Variants in CTC1 observed in about 807,000 individuals in gnomAD.
CTC1 encodes the protein CST telomere replication complex component 1.
A neutral mutation model predicts 136.3 loss-of-function variants in CTC1; 91 were observed. That is an observed-to-expected ratio of 0.67 (90% CI 0.56 to 0.79). CTC1 has a LOEUF of 0.79. Among genes scored for constraint, CTC1 ranks in the 30% least tolerant of loss-of-function variants. The pLI is 0.00. For missense variants in CTC1, 1,432 were observed against 1,498.1 expected, an observed-to-expected ratio of 0.96 and a Z score of 0.73; for synonymous variants, 606 against 613.8, an observed-to-expected ratio of 0.99 and a Z score of 0.19.
rs561782597 is a variant in CTC1 at position 8,236,059 on chromosome 17, G to A, written c.1076C>T (p.Ser359Leu). 19 of 1,610,676 alleles carry A rather than the reference G, an allele frequency of 1.2e-5. No homozygotes were observed. The highest frequency in any genetic ancestry group is 1.6e-4 in the Middle Eastern group (1 of 6,068). ...LVRYSRLLSY[S>L]GAVTGVLNEP... ...TCTAGGATCTCTCCCTGTGCTCACC[G>A]AATAGGATAGGAGTCTAGAATACCG... The change falls in exon 6 of 23, where the codon TCG becomes TTG. Residue 359 changes from serine (S) to leucine (L), a missense_variant and splice_region_variant. By Grantham distance (145) the Ser-to-Leu change is moderately radical. Coordinates refer to ENST00000651323, the MANE Select transcript of CTC1 (RefSeq NM_025099.6).
chr17:8,235,020 T>G, intron 8 of CTC1, 33 bp downstream of exon 8: 1 of 1,610,578 alleles, frequency 6.2e-7, no homozygotes. Flanking sequence ...CTACTCCCAC[T>G]GCCTCCCCGC....
In CTC1 at chr17:8,228,310, C is replaced by T. The variant is rs201788219; in HGVS notation, c.3524G>A (p.Arg1175Gln). The T allele has an allele frequency of 1.2e-4, 199 of 1,613,966 alleles. No individual in the cohort carries two copies. Among genetic ancestry groups the T allele is most frequent in the Middle Eastern group, 3.3e-4 (2 of 6,046 alleles). Residue 1175 changes from arginine to glutamine, a missense_variant, in exon 23 of 23, where the codon CGG (arginine) becomes CAG (glutamine). Coordinates refer to ENST00000651323, the MANE Select transcript of CTC1 (RefSeq NM_025099.6). ...CTCTCCACACTGGAATCGCTGTAGC[C>T]GAGGAGGTTCTGAGGTGGGAAGAGA... ...PSKIVPLEPP[R>Q]LQRFQCGELP... is the part of the protein sequence containing the mutation.
intron 17 of CTC1, 62 bp downstream of exon 17, chr17:8,230,232 G>A (rs1987096276): frequency 6.6e-7 from 1 of 1,511,570 alleles, no homozygotes; most frequent in South Asian, 1.2e-5. Context: ...TTAAGCAGGG[G>A]TGCACATTCC....
At position 8,247,662 on chromosome 17, in the gene CTC1, T is replaced by G. The variant is rs73244902; in HGVS notation, c.33+342A>C. On this transcript the variant is annotated intron_variant, in intron 1 of 22. Transcript: ENST00000651323. Reference sequence around the variant, plus strand: ...CACTTCGGGTCTCAGACGCTTTTACTTATTATGGTTGCCCTTTTCCCCTAC... The same window carrying G: ...CACTTCGGGTCTCAGACGCTTTTACGTATTATGGTTGCCCTTTTCCCCTAC... 9.9e-3 allele frequency: 2,392 copies of G among 242,316 alleles called. 72 individuals carry two copies. Among genetic ancestry groups the G allele is most frequent in the African/African-American group, 0.052 (2,260 of 43,676 alleles). 15.0% of individuals were successfully genotyped at this position (242,316 alleles called of 1,614,324 possible). A position where few individuals can be genotyped will look rare whatever the true frequency, so the allele number is the denominator to read the frequency against.
chr17:8,226,681 G>A lies in CTC1; in HGVS notation c.*1499C>T, dbSNP rs963269028. 1 of 152,174 alleles carries A rather than the reference G, an allele frequency of 6.6e-6. No homozygotes were observed. Among genetic ancestry groups the A allele is most frequent in the Non-Finnish European group, 1.5e-5 (1 of 68,036 alleles). The allele number at this position is 152,174 out of a possible 1,614,324, so 9.4% of individuals were successfully genotyped here. A position where few individuals can be genotyped will look rare whatever the true frequency, so the allele number is the denominator to read the frequency against. ...TCTAGTCCATCGCCTTAACCACTCG[G>A]CCACGACTACGAGGCTTAGGGCTTC... On this transcript the variant is annotated 3_prime_UTR_variant, in exon 23 of 23. Coordinates refer to ENST00000651323, the MANE Select transcript of CTC1 (RefSeq NM_025099.6).
At chr17:8,229,496 C>T (rs1457579288) in intron 18 of CTC1, 50 bp from the exon 19 acceptor site, 1 of 1,545,370 alleles carries the variant, frequency 6.5e-7, no homozygotes, top group Non-Finnish European at 8.9e-7. Context: ...ACAGAACAGG[C>T]AAAGGGGTTC....
chr17:8,231,397 A>C lies in CTC1; in HGVS notation c.2548T>G (p.Ser850Ala), dbSNP rs1376586883. The part of the protein sequence containing the change: ...RRPLELAGCA[S>A]CLTVQDNWTL... The stretch of plus-strand genomic sequence containing the variant: ...CAGTTGTCCTGGACAGTGAGGCAGG[A>C]TGCACAGCCAGCCAACTCCAGAGGA... Residue 850 changes from serine (S) to alanine (A), a missense_variant, in exon 15 of 23, where the codon TCC becomes GCC. Coordinates refer to ENST00000651323, the MANE Select transcript of CTC1 (RefSeq NM_025099.6). The C allele has an allele frequency of 1.2e-6, 2 of 1,613,682 alleles. No individual in the cohort carries two copies. Among genetic ancestry groups the C allele is most frequent in the South Asian group, 2.2e-5 (2 of 91,068 alleles).
At chr17:8,234,086 G>A (rs187059042) in intron 10 of CTC1, among the ~76,000 whole-genome samples, 2 of 152,248 alleles carry the variant, frequency 1.3e-5, no homozygotes, top group African/African-American at 4.8e-5. Flanking sequence ...TCAGGCTCAA[G>A]CAATCCTACC....
In CTC1 at chr17:8,229,190, A is replaced by G; in HGVS notation, c.3173T>C (p.Leu1058Pro). Residue 1058 changes from leucine to proline, a missense_variant, in exon 20 of 23, where the codon CTG becomes CCG. By Grantham distance (98) the Leu-to-Pro change is moderately conservative (BLOSUM62 -3). Transcript: ENST00000651323. ...TGTCTGCGTAGGGCAAGTGGAGCCCAGGCGAGTGCACTTTCCCTGGGATGA... is the reference window on the plus strand; with the variant it reads ...TGTCTGCGTAGGGCAAGTGGAGCCCGGGCGAGTGCACTTTCCCTGGGATGA... ...SICRQGKCTR[L>P]GSTCPTQTAI... 6.2e-7 allele frequency: 1 copy of G among 1,614,226 alleles called. No homozygotes were observed. Among genetic ancestry groups the G allele is most frequent in the Non-Finnish European group, 8.5e-7 (1 of 1,180,042 alleles).
In CTC1 at chr17:8,228,633, G is replaced by C; in HGVS notation, c.3388-4C>G. 1 of 1,614,178 alleles carries C rather than the reference G, an allele frequency of 6.2e-7. No individual in the cohort carries two copies. The highest frequency in any genetic ancestry group is 8.5e-7 in the Non-Finnish European group (1 of 1,180,026). ...GCTCGTCAACCCTGGCTGAAGACTA[G>C]AAAGAGAAGGTCAAGGTTAACTGGC... On this transcript the variant is annotated splice_polypyrimidine_tract_variant and splice_region_variant and intron_variant, in intron 21 of 22. Coordinates refer to ENST00000651323, the MANE Select transcript of CTC1 (RefSeq NM_025099.6).
intron 2 of CTC1, 124 bp from the exon 3 acceptor site, chr17:8,238,753 G>A: frequency 1.4e-6 from 1 of 692,890 alleles, no homozygotes; most frequent in South Asian, 2.0e-5. Flanking sequence ...TAAGAGGTGA[G>A]TTTGATTGAT....
intron 22 of CTC1, 21 bp downstream of exon 22, chr17:8,228,482 T>TC (rs780029888): frequency 9.3e-6 from 15 of 1,613,854 alleles, no homozygotes; most frequent in Non-Finnish European, 1.2e-5. Flanking sequence ...ATCATCATGA[T>TC]CCCCCCGTCT....
Position 8,230,102 on chromosome 17 carries a change from G to T in CTC1, c.2934-134C>A. The T allele has an allele frequency of 5.9e-6, 6 of 1,010,584 alleles. No homozygotes were observed. In the South Asian group the frequency reaches 7.5e-5, roughly 13 times the overall value. 62.6% of individuals were successfully genotyped at this position (1,010,584 alleles called of 1,614,324 possible). A position where few individuals can be genotyped will look rare whatever the true frequency, so the allele number is the denominator to read the frequency against. Reference sequence around the variant, plus strand: ...ATATCCTAGCCATGGCTCTACCAAAGCTAGGGGAAGACTAGGAGGAGGACC... The same window carrying T: ...ATATCCTAGCCATGGCTCTACCAAATCTAGGGGAAGACTAGGAGGAGGACC... On this transcript the variant is annotated intron_variant, in intron 17 of 22. Transcript: ENST00000651323.
chr17:8,230,829 A>C, intron 15 of CTC1, 178 bp from the exon 16 acceptor site: 1 of 611,480 alleles, frequency 1.6e-6, no homozygotes, highest in Non-Finnish European at 2.9e-6. Flanking sequence ...TATGGGAAAA[A>C]GAGGGTTGTG....
rs796651282 is a variant in CTC1, at chr17:8,226,701, G to T, written c.*1479C>A. On this transcript the variant is annotated 3_prime_UTR_variant, in exon 23 of 23. Coordinates refer to ENST00000651323, the MANE Select transcript of CTC1 (RefSeq NM_025099.6). ...ACTCGGCCACGACTACGAGGCTTAG[G>T]GCTTCGTTTTCATCCAATGCCTTTC... 2.6e-5 allele frequency: 4 copies of T among 152,164 alleles called. No individual in the cohort carries two copies. Among genetic ancestry groups the T allele is most frequent in the Admixed American group, 1.3e-4 (2 of 15,274 alleles). 9.4% of individuals were successfully genotyped at this position (152,164 alleles called of 1,614,324 possible).
chr17:8,248,004 G>A lies in CTC1; in HGVS notation c.33C>T (p.Ser11=), dbSNP rs757066174. 2.2e-5 allele frequency: 36 copies of A among 1,610,776 alleles called. No individual in the cohort carries two copies. In the South Asian group the frequency reaches 2.3e-4, roughly 10 times the overall value. The change falls in exon 1 of 23, where the codon TCC becomes TCT. Residue 11 remains serine (S), a splice_region_variant and synonymous_variant. Coordinates refer to ENST00000651323, the MANE Select transcript of CTC1 (RefSeq NM_025099.6). MAAGRAQVPS[S]EQAWLEDAQV... is the part of the protein sequence containing the mutation. ...CAAGAGACGTAATAGCAGCACTCAC[G>A]GAGGAAGGGACCTGGGCCCGGCCAG...
At chr17:8,230,059 C>T in intron 17 of CTC1, 91 bp from the exon 18 acceptor site, 5 of 1,252,632 alleles carry the variant, frequency 4.0e-6, no homozygotes, top group Non-Finnish European at 5.8e-6. Flanking sequence ...CACAGAGTGG[C>T]CACTCCCCCT....
chr17:8,235,731 T>A, intron 7 of CTC1, 100 bp downstream of exon 7: 1 of 1,323,306 alleles, frequency 7.6e-7, no homozygotes, highest in Non-Finnish European at 1.0e-6. Context: ...ACTTTTAATT[T>A]CTATATTTCT....
At chr17:8,233,180 G>A in intron 10 of CTC1, 148 bp from the exon 11 acceptor site, 2 of 794,244 alleles carry the variant, frequency 2.5e-6, no homozygotes. Context: ...ATTCAAGTGG[G>A]GAAGACAGAC....
Sources: gnomAD v4.1 joint callset for allele counts (sites outside exome capture counted in the v4.1 genomes callset) on GRCh38, gnomAD v4.1.1 for gene constraint, MANE v1.5 for transcripts, NCBI Gene and HGNC (gene_info 2026-07-23, HGNC 2026-07-21) for gene names.